Variants in CFAP54 observed in about 807,000 individuals in gnomAD.
The protein encoded by CFAP54 is cilia and flagella associated protein 54, also known as cilia- and flagella-associated protein 54.
CFAP54 carries 290 observed loss-of-function variants against 370.4 expected under a neutral mutation model. The observed-to-expected ratio is 0.78, with a 90% confidence interval of 0.71 to 0.86. The LOEUF (loss-of-function observed/expected upper bound fraction) is 0.86. CFAP54 is among the 40% of genes least tolerant of loss of function. The probability of loss-of-function intolerance (pLI) is 0.00; values close to 1 mark genes in which losing one functional copy is unlikely to be tolerated. For synonymous variants in CFAP54, 1,206 were observed against 1,236.5 expected, an observed-to-expected ratio of 0.98 and a Z score of 0.52; for missense variants, 3,399 against 3,528.7, an observed-to-expected ratio of 0.96 and a Z score of 0.93.
intron 22 of CFAP54, among the ~76,000 whole-genome samples, chr12:96,586,990 G>A (rs1956080982): frequency 1.3e-5 from 2 of 151,908 alleles, no homozygotes; most frequent in Admixed American, 1.3e-4. Flanking sequence ...TTTGAAGGAG[G>A]AGCTAACAAG....
intron 67 of CFAP54, among the ~76,000 whole-genome samples, chr12:96,872,785 A>G (rs1436288390): frequency 6.6e-6 from 1 of 152,172 alleles, no homozygotes; most frequent in Non-Finnish European, 1.5e-5. Flanking sequence ...AGGTAGAATT[A>G]CTTGAGACAG....
intron 48 of CFAP54, 108 bp from the exon 49 acceptor site, chr12:96,718,335 G>A: frequency 1.6e-6 from 1 of 643,164 alleles, no homozygotes; most frequent in Non-Finnish European, 2.8e-6. Flanking sequence ...CTCCAGCCTG[G>A]GTGACAGAGC....
intron 66 of CFAP54, among the ~76,000 whole-genome samples, chr12:96,855,431 C>T (rs1437795262): frequency 6.6e-6 from 1 of 152,188 alleles, no homozygotes; most frequent in Non-Finnish European, 1.5e-5. Context: ...GTCCCTTCCA[C>T]CTATAAACCT....
chr12:96,729,273 G>C (rs1334561854), intron 50 of CFAP54, among the ~76,000 whole-genome samples: 1 of 152,158 alleles, frequency 6.6e-6, no homozygotes, highest in Non-Finnish European at 1.5e-5. Flanking sequence ...TCTGTGCCCT[G>C]CCCCCAGAGG....
At chr12:96,837,990 A>G (rs1959191792) in intron 66 of CFAP54, among the ~76,000 whole-genome samples, 2 of 152,352 alleles carry the variant, frequency 1.3e-5, no homozygotes. Flanking sequence ...TCTTTTTAGA[A>G]GGGTTCACTA....
At chr12:96,743,250 C>T in intron 52 of CFAP54, 152 bp from the exon 53 acceptor site, 2 of 737,892 alleles carry the variant, frequency 2.7e-6, no homozygotes, top group East Asian at 2.8e-5. Flanking sequence ...ATTTATTTTC[C>T]ATGTTTCATG....
intron 26 of CFAP54, among the ~76,000 whole-genome samples, chr12:96,609,190 A>C (rs1311303645): frequency 6.6e-6 from 1 of 152,208 alleles, no homozygotes; most frequent in Non-Finnish European, 1.5e-5. Flanking sequence ...AGTGTCCTTC[A>C]AATCTGTTCT....
intron 9 of CFAP54, among the ~76,000 whole-genome samples, chr12:96,532,010 G>A (rs1955445008): frequency 6.6e-6 from 1 of 152,258 alleles, no homozygotes; most frequent in Admixed American, 6.5e-5. Context: ...ACAGGCATAA[G>A]CCATCGCACC....
At position 96,817,977 on chromosome 12, in the gene CFAP54, A is replaced by G. The variant is rs1958995769; in HGVS notation, c.9096+64A>G. On this transcript the variant is annotated intron_variant, in intron 65 of 67. Transcript: ENST00000524981. ...TTATCTTTTATATCCTCAAAGCAGA[A>G]CTATGTAACTGGACTTAAACTCTGT... The G allele has an allele frequency of 8.8e-6, 10 of 1,141,500 alleles. No individual in the cohort carries two copies. In the South Asian group the frequency reaches 1.5e-4, roughly 17 times the overall value. The allele number at this position is 1,141,500 out of a possible 1,614,324, so 70.7% of individuals were successfully genotyped here. A position where few individuals can be genotyped will look rare whatever the true frequency, so the allele number is the denominator to read the frequency against.
Position 96,564,404 on chromosome 12 carries a change from T to C in CFAP54, c.2411-64T>C, listed in dbSNP as rs1194977425. On this transcript the variant is annotated intron_variant, in intron 17 of 67. Coordinates refer to ENST00000524981, the MANE Select transcript of CFAP54 (RefSeq NM_001306084.2). ...CTTTATGAATAGTTACTCCTTAGTA[T>C]TTAAAAAATATTTCCTCTCTTGGAT... 5 of 633,998 alleles carry C rather than the reference T, an allele frequency of 7.9e-6. No homozygotes were observed. In the East Asian group the frequency reaches 1.4e-4, roughly 18 times the overall value. 39.3% of individuals were successfully genotyped at this position (633,998 alleles called of 1,614,324 possible).
chr12:96,634,242 G>A (rs369022009), intron 32 of CFAP54, among the ~76,000 whole-genome samples: 1 of 151,498 alleles, frequency 6.6e-6, no homozygotes, highest in Non-Finnish European at 1.5e-5. Flanking sequence ...TTTTAGTAGA[G>A]ACGGGGTTTC....
rs1367996728 is a variant in CFAP54 at position 96,520,948 on chromosome 12, G to A, written c.943-909G>A. On this transcript the variant is annotated intron_variant, in intron 6 of 67. Coordinates refer to ENST00000524981, the MANE Select transcript of CFAP54 (RefSeq NM_001306084.2). ...AGAACAGCCTAATTTAACCTTCACGGGTTACTTGTGTAGCTCAAGATACAT... is the reference window on the plus strand; with the variant it reads ...AGAACAGCCTAATTTAACCTTCACGAGTTACTTGTGTAGCTCAAGATACAT... 2.0e-5 allele frequency among the ~76,000 whole-genome samples: 3 copies of A among 152,120 alleles called. No individual in the cohort carries two copies. In the East Asian group the frequency reaches 5.8e-4, roughly 29 times the overall value.
intron 26 of CFAP54, among the ~76,000 whole-genome samples, chr12:96,610,086 G>A (rs924823777): frequency 1.3e-5 from 2 of 152,224 alleles, no homozygotes; most frequent in African/African-American, 2.4e-5. Context: ...ATAAAAAAAT[G>A]ATGTCACAGA....
intron 47 of CFAP54, among the ~76,000 whole-genome samples, chr12:96,708,136 G>C (rs1298853772): frequency 6.6e-6 from 1 of 152,078 alleles, no homozygotes; most frequent in Non-Finnish European, 1.5e-5. Context: ...TGAGGACCCA[G>C]GGAGTTGAGG....
chr12:96,784,654 G>T, intron 60 of CFAP54, 63 bp from the exon 61 acceptor site: 1 of 1,198,994 alleles, frequency 8.3e-7, no homozygotes, highest in South Asian at 2.0e-5. Flanking sequence ...TTCTGTTCAT[G>T]ATTGTTTTTC....
chr12:96,704,032 G>A (rs1436327240), intron 46 of CFAP54, among the ~76,000 whole-genome samples: 1 of 152,138 alleles, frequency 6.6e-6, no homozygotes, highest in Non-Finnish European at 1.5e-5. Flanking sequence ...ATAGGATAAA[G>A]TATCACCTAC....
intron 1 of CFAP54, among the ~76,000 whole-genome samples, chr12:96,490,897 A>G (rs1452501654): frequency 6.6e-6 from 1 of 152,018 alleles, no homozygotes; most frequent in Non-Finnish European, 1.5e-5. Flanking sequence ...TAAGTAAATA[A>G]TCTTACAAGG....
At chr12:96,535,482 T>G in intron 11 of CFAP54, 33 bp from the exon 12 acceptor site, 4 of 1,373,972 alleles carry the variant, frequency 2.9e-6, no homozygotes, top group Non-Finnish European at 4.0e-6. Context: ...AAGTGATTTT[T>G]TTGTTTCATT....
intron 67 of CFAP54, among the ~76,000 whole-genome samples, chr12:96,862,535 T>C (rs1565765928): frequency 1.3e-5 from 2 of 151,518 alleles, no homozygotes; most frequent in African/African-American, 2.4e-5. Flanking sequence ...AAGGAATGAG[T>C]GGAATGAATG....
Sources: gnomAD v4.1 joint callset for allele counts (sites outside exome capture counted in the v4.1 genomes callset) on GRCh38, gnomAD v4.1.1 for gene constraint, MANE v1.5 for transcripts, NCBI Gene and HGNC (gene_info 2026-07-23, HGNC 2026-07-21) for gene names.